Variants in ZFHX4 observed in about 807,000 individuals in gnomAD.
ZFHX4 encodes the protein zinc finger homeobox protein 4.
In ZFHX4, 56 loss-of-function variants were observed where a neutral mutation model predicts 267.6. The observed-to-expected ratio is 0.21, with a 90% CI of 0.17 to 0.26. The LOEUF is 0.26. Ranked by LOEUF, ZFHX4 falls within the 10% of genes least tolerant of loss-of-function variation. The probability of loss-of-function intolerance (pLI) is 1.00; values close to 1 mark genes in which losing one functional copy is unlikely to be tolerated. For missense variants in ZFHX4, 4,332 were observed against 4,420.0 expected, an observed-to-expected ratio of 0.98 and a Z score of 0.56; for synonymous variants, 1,778 against 1,665.6, an observed-to-expected ratio of 1.07 and a Z score of -1.64.
intron 10 of ZFHX4, 152 bp downstream of exon 10, chr8:76,856,452 C>CCAATA: frequency 2.1e-6 from 2 of 942,792 alleles, no homozygotes; most frequent in Non-Finnish European, 3.2e-6. Context: ...TTGGCTATAG[C>CCAATA]TAATTACCAG....
rs1157321101 is a variant in ZFHX4 at position 76,850,319 on chromosome 8, C to T, written c.3921C>T (p.Asp1307=). 1.9e-6 allele frequency: 3 copies of T among 1,613,106 alleles called. No homozygotes were observed. The highest frequency in any genetic ancestry group is 2.5e-6 in the Non-Finnish European group (3 of 1,179,606). ...PAAASEKSER[D]TPAAVTAEGS... is the part of the protein sequence containing the mutation. ...CTGCCTCTGAGAAATCAGAGCGGGA[C>T]ACACCTGCAGCCGTGACAGCTGAGG... is the stretch of plus-strand genomic sequence containing the variant. The change falls in exon 9 of 11, where the codon GAC becomes GAT. Residue 1307 remains aspartate (D), a synonymous_variant. Transcript: ENST00000651372.
chr8:76,758,808 T>C (rs1809833368), intron 3 of ZFHX4, among the ~76,000 whole-genome samples: 1 of 152,142 alleles, frequency 6.6e-6, no homozygotes. Flanking sequence ...GAGAGTTTTA[T>C]TATTTTTATG....
At chr8:76,756,838 T>A (rs965292310) in intron 3 of ZFHX4, among the ~76,000 whole-genome samples, 15 of 151,870 alleles carry the variant, frequency 9.9e-5, no homozygotes, top group Non-Finnish European at 1.8e-4. Context: ...TCCCATGATG[T>A]GTTTCCTTGC....
chr8:76,771,732 C>T (rs1045238874), intron 3 of ZFHX4, among the ~76,000 whole-genome samples: 20 of 152,116 alleles, frequency 1.3e-4, no homozygotes, highest in Non-Finnish European at 2.4e-4. Flanking sequence ...GATTGCTTTT[C>T]AAGACACTGT....
Position 76,855,619 on chromosome 8 carries a change from G to A in ZFHX4, c.8698G>A (p.Glu2900Lys), listed in dbSNP as rs1203436770. ...DDPDDNADRSETSSIADPSSP... is the reference protein window; with the variant it reads ...DDPDDNADRSKTSSIADPSSP... ...CCCGGATGACAACGCCGACCGCAGC[G>A]AAACGTCCAGCATAGCGGACCCGAG... is the stretch of plus-strand genomic sequence containing the variant. The change falls in exon 10 of 11, where the codon GAA (glutamate) becomes AAA (lysine). Residue 2900 changes from glutamate to lysine, a missense_variant. By Grantham distance (56) the Glu-to-Lys change is moderately conservative. Transcript: ENST00000651372. The A allele has an allele frequency of 6.2e-7, 1 of 1,613,754 alleles. No individual in the cohort carries two copies. The highest frequency in any genetic ancestry group is 1.1e-5 in the South Asian group (1 of 91,068).
intron 1 of ZFHX4, among the ~76,000 whole-genome samples, chr8:76,692,048 G>A (rs531311386): frequency 6.6e-6 from 1 of 152,146 alleles, no homozygotes; most frequent in South Asian, 2.1e-4. Flanking sequence ...AGGTTGACAG[G>A]TGGATGCTCC....
At chr8:76,773,658 T>C (rs1267518419) in intron 3 of ZFHX4, among the ~76,000 whole-genome samples, 1 of 152,164 alleles carries the variant, frequency 6.6e-6, no homozygotes, top group African/African-American at 2.4e-5. Context: ...GATTTCACTT[T>C]AATATTTGCT....
At chr8:76,849,418 C>T in intron 7 of ZFHX4, 94 bp from the exon 8 acceptor site, 1 of 1,188,492 alleles carries the variant, frequency 8.4e-7, no homozygotes, top group South Asian at 1.3e-5. Flanking sequence ...AAGCATGTAC[C>T]AAAATATCAC....
At chr8:76,696,673 A>C (rs2131592062) in intron 1 of ZFHX4, among the ~76,000 whole-genome samples, 1 of 151,844 alleles carries the variant, frequency 6.6e-6, no homozygotes, top group South Asian at 2.1e-4. Context: ...ATCCCCAAAC[A>C]AAAGGCTCTT....
At chr8:76,831,910 T>A in intron 4 of ZFHX4, among the ~76,000 whole-genome samples, 1 of 151,810 alleles carries the variant, frequency 6.6e-6, no homozygotes, top group Middle Eastern at 3.2e-3. Flanking sequence ...ATTAAGGCTG[T>A]GATTTATTTG....
intron 4 of ZFHX4, among the ~76,000 whole-genome samples, chr8:76,815,452 C>A (rs1278498388): frequency 6.6e-6 from 1 of 152,080 alleles, no homozygotes; most frequent in Non-Finnish European, 1.5e-5. Flanking sequence ...ATTGCAGTAT[C>A]CTCACATGGT....
chr8:76,729,729 C>T (rs1234069742), intron 3 of ZFHX4, among the ~76,000 whole-genome samples: 1 of 151,998 alleles, frequency 6.6e-6, no homozygotes, highest in Non-Finnish European at 1.5e-5. Context: ...TCAGCATGAA[C>T]AAAACAGAAA....
intron 3 of ZFHX4, among the ~76,000 whole-genome samples, chr8:76,715,634 T>C (rs1481266193): frequency 6.6e-6 from 1 of 152,098 alleles, no homozygotes; most frequent in Admixed American, 6.6e-5. Context: ...AAAGTACTGC[T>C]TAAAGATACA....
At chr8:76,819,926 G>A (rs1256926225) in intron 4 of ZFHX4, among the ~76,000 whole-genome samples, 1 of 152,168 alleles carries the variant, frequency 6.6e-6, no homozygotes, top group Admixed American at 6.5e-5. Context: ...AGTATTTAGG[G>A]TGATACAACA....
chr8:76,851,963 C>T lies in ZFHX4; in HGVS notation c.5042C>T (p.Ala1681Val). ...NKKQTPDLIS[A>V]QPAHHPPQSP... is the part of the protein sequence containing the mutation. Reference sequence around the variant, plus strand: ...AAGCAAACTCCTGATTTAATCTCTGCTCAACCTGCACATCACCCACCACAG... The same window carrying T: ...AAGCAAACTCCTGATTTAATCTCTGTTCAACCTGCACATCACCCACCACAG... Residue 1681 changes from alanine to valine, a missense_variant, in exon 10 of 11, where the codon GCT (alanine) becomes GTT (valine). By Grantham distance (64) the Ala-to-Val change is moderately conservative (BLOSUM62 0). Around this residue, in one of 7 missense-constraint regions of ZFHX4, gnomAD observed 1,371 missense variants for 1,423.1 expected, o/e 0.96. Transcript: ENST00000651372. The T allele has an allele frequency of 6.2e-7, 1 of 1,613,976 alleles. No homozygotes were observed. Among genetic ancestry groups the T allele is most frequent in the Admixed American group, 1.7e-5 (1 of 60,024 alleles).
intron 4 of ZFHX4, among the ~76,000 whole-genome samples, chr8:76,790,914 T>C (rs749058172): frequency 6.6e-6 from 1 of 152,180 alleles, no homozygotes; most frequent in Non-Finnish European, 1.5e-5. Context: ...AGATCTGCCT[T>C]GGTTGAGTAA....
rs190617130 is a variant in ZFHX4, at chr8:76,855,214, A to C, written c.8293A>C (p.Lys2765Gln). The C allele has an allele frequency of 6.2e-7, 1 of 1,612,576 alleles. No homozygotes were observed. The highest frequency in any genetic ancestry group is 2.2e-5 in the East Asian group (1 of 44,826). ...PVSKTAELSPKNLLSPSSFKA... is the reference protein window; with the variant it reads ...PVSKTAELSPQNLLSPSSFKA... Reference sequence around the variant, plus strand: ...TAGTAAAACAGCAGAGCTGTCACCGAAGAATCTTTTAAGCCCTTCTTCTTT... The same window carrying C: ...TAGTAAAACAGCAGAGCTGTCACCGCAGAATCTTTTAAGCCCTTCTTCTTT... Residue 2765 changes from lysine (K) to glutamine (Q), a missense_variant, in exon 10 of 11, where the codon AAG (lysine) becomes CAG (glutamine). Coordinates refer to ENST00000651372, the MANE Select transcript of ZFHX4 (RefSeq NM_024721.5).
chr8:76,848,861 G>T (rs1193213576), intron 6 of ZFHX4, 134 bp from the exon 7 acceptor site: 2 of 797,804 alleles, frequency 2.5e-6, no homozygotes, highest in Non-Finnish European at 3.7e-6. Context: ...TTTGAGATTA[G>T]CATTATTTAA....
intron 3 of ZFHX4, among the ~76,000 whole-genome samples, chr8:76,722,150 A>G (rs1002864010): frequency 6.6e-6 from 1 of 152,090 alleles, no homozygotes; most frequent in African/African-American, 2.4e-5. Context: ...GATGAGATCA[A>G]TCAAGGGCTA....
Sources: allele counts gnomAD v4.1 joint callset (sites outside exome capture counted in the v4.1 genomes callset), GRCh38; gene constraint gnomAD v4.1.1; regional missense constraint gnomAD v4.1.1; transcripts MANE v1.5; gene names NCBI Gene and HGNC (gene_info 2026-07-23, HGNC 2026-07-21).